DPP10: variants seen among roughly 807,000 people sequenced by gnomAD.
DPP10 encodes the protein inactive dipeptidyl peptidase 10.
Under a neutral mutation model 120.9 loss-of-function variants are expected in DPP10, and 33 were observed. That is an observed-to-expected ratio of 0.27 (90% CI 0.21 to 0.37). The LOEUF is 0.37. Among genes scored for constraint, DPP10 ranks in the 10% least tolerant of loss-of-function variants. DPP10 has a pLI of 1.00. For synonymous variants in DPP10, 337 were observed against 326.1 expected, an observed-to-expected ratio of 1.03 and a Z score of -0.36; for missense variants, 816 against 942.8, an observed-to-expected ratio of 0.87 and a Z score of 1.76.
chr2:115,780,392 T>C (rs547997418), intron 15 of DPP10, among the ~76,000 whole-genome samples: 8 of 152,024 alleles, frequency 5.3e-5, no homozygotes, highest in African/African-American at 1.9e-4. Context: ...TTGGCACTGA[T>C]ACCAAATTCT....
chr2:114,965,415 CCT>C (rs1409288472), intron 1 of DPP10, among the ~76,000 whole-genome samples: 1 of 151,970 alleles, frequency 6.6e-6, no homozygotes, highest in Non-Finnish European at 1.5e-5. Flanking sequence ...GGATTACAAG[CCT>C]GATCCACCGT....
intron 21 of DPP10, among the ~76,000 whole-genome samples, chr2:115,821,776 A>G (rs1336379520): frequency 1.3e-5 from 2 of 151,946 alleles, no homozygotes; most frequent in African/African-American, 4.8e-5. Context: ...TTGTTTATCC[A>G]TTCACCTACG....
At chr2:114,704,682 T>A (rs946396507) in intron 1 of DPP10, among the ~76,000 whole-genome samples, 3 of 152,160 alleles carry the variant, frequency 2.0e-5, no homozygotes, top group African/African-American at 7.2e-5. Context: ...TACAGGTGCA[T>A]ATGATAGATT....
intron 1 of DPP10, among the ~76,000 whole-genome samples, chr2:114,884,818 G>A (rs13385016): frequency 0.01 from 1,531 of 152,198 alleles, 22 homozygotes; most frequent in African/African-American, 0.035. Context: ...ACAATGATTG[G>A]TTTTCCATTC....
chr2:115,090,872 T>C (rs1303402311), intron 1 of DPP10, among the ~76,000 whole-genome samples: 1 of 152,122 alleles, frequency 6.6e-6, no homozygotes, highest in African/African-American at 2.4e-5. Context: ...GGCTGGCATG[T>C]CTCTGGTCAG....
At chr2:114,453,795 T>G (rs1678416609) in intron 1 of DPP10, among the ~76,000 whole-genome samples, 1 of 152,226 alleles carries the variant, frequency 6.6e-6, no homozygotes, top group Non-Finnish European at 1.5e-5. Context: ...ACTAAATGGC[T>G]TCATTTTATA....
At chr2:114,452,826 T>A (rs925202850) in intron 1 of DPP10, among the ~76,000 whole-genome samples, 67 of 152,184 alleles carry the variant, frequency 4.4e-4, no homozygotes, top group African/African-American at 1.5e-3. Context: ...TTCTGCTTTG[T>A]TTTTCTCAAA....
rs182687496 is a variant in DPP10, at chr2:114,939,278, G to A, written c.61-369961G>A. On this transcript the variant is annotated intron_variant, in intron 1 of 25. Coordinates refer to ENST00000410059, the MANE Select transcript of DPP10 (RefSeq NM_020868.6). Reference sequence around the variant, plus strand: ...AGGAAGAGCAGGTGTTGAAAGGGGGGGGTGGTTAGGCATCCTCTTGTTCAT... The same window carrying A: ...AGGAAGAGCAGGTGTTGAAAGGGGGAGGTGGTTAGGCATCCTCTTGTTCAT... 2.6e-5 allele frequency among the ~76,000 whole-genome samples: 4 copies of A among 152,040 alleles called. No individual in the cohort carries two copies. The East Asian group carries it at 7.7e-4, about 29-fold the overall frequency.
intron 1 of DPP10, among the ~76,000 whole-genome samples, chr2:114,711,198 G>A (rs1701006921): frequency 6.6e-6 from 1 of 152,284 alleles, no homozygotes; most frequent in East Asian, 1.9e-4. Flanking sequence ...GACATGCTGG[G>A]CATAGACAAT....
chr2:115,538,560 A>G (rs1438347753), intron 5 of DPP10, among the ~76,000 whole-genome samples: 3 of 152,028 alleles, frequency 2.0e-5, no homozygotes, highest in Non-Finnish European at 4.4e-5. Context: ...ACTGGAGTTC[A>G]AATGATTAAA....
intron 1 of DPP10, among the ~76,000 whole-genome samples, chr2:114,958,140 A>G (rs1389165083): frequency 6.6e-6 from 1 of 152,170 alleles, no homozygotes; most frequent in Non-Finnish European, 1.5e-5. Flanking sequence ...AAAAAGAGAC[A>G]TGACCTACAG....
At chr2:115,216,843 A>G (rs897999378) in intron 1 of DPP10, among the ~76,000 whole-genome samples, 3 of 152,190 alleles carry the variant, frequency 2.0e-5, no homozygotes, top group East Asian at 3.9e-4. Context: ...ACCCATATAT[A>G]GACAAATATA....
intron 3 of DPP10, among the ~76,000 whole-genome samples, chr2:115,413,387 G>A (rs1210732665): frequency 1.3e-5 from 2 of 152,096 alleles, no homozygotes; most frequent in Non-Finnish European, 2.9e-5. Context: ...GAAATTAAGG[G>A]AAGTGAAAAT....
intron 3 of DPP10, among the ~76,000 whole-genome samples, chr2:115,478,260 A>G (rs774960500): frequency 1.3e-5 from 2 of 152,190 alleles, no homozygotes; most frequent in Non-Finnish European, 2.9e-5. Flanking sequence ...ATTCTCAAAT[A>G]TGTGGTTAAC....
rs910293086 is a variant in DPP10 at position 115,003,188 on chromosome 2, A to AC, written c.61-306051_61-306050insC. Among the ~76,000 whole-genome samples the AC allele has an allele frequency of 2.3e-4, 35 of 151,464 alleles. 1 individual carries two copies. The highest frequency in any genetic ancestry group is 2.2e-3 in the Admixed American group (33 of 15,168). Reference sequence around the variant, plus strand: ...TACTATGTAGCTATAAAAAAAAAAAAAAAACAATGAAATCATGTCCTTTGC... The same window carrying AC: ...TACTATGTAGCTATAAAAAAAAAAAACAAAACAATGAAATCATGTCCTTTGC... On this transcript the variant is annotated intron_variant, in intron 1 of 25. Coordinates refer to ENST00000410059, the MANE Select transcript of DPP10 (RefSeq NM_020868.6).
chr2:115,162,402 G>A (rs1183337073), intron 1 of DPP10: 4 of 1,279,138 alleles, frequency 3.1e-6, no homozygotes, highest in Non-Finnish European at 4.1e-6. Flanking sequence ...CTGCGCTCCT[G>A]ACGGCCGCTC....
chr2:114,890,066 C>T (rs932609367), intron 1 of DPP10, among the ~76,000 whole-genome samples: 4 of 152,256 alleles, frequency 2.6e-5, no homozygotes, highest in East Asian at 1.9e-4. Flanking sequence ...TGTCTCCTTT[C>T]GTCACAGATT....
intron 1 of DPP10, among the ~76,000 whole-genome samples, chr2:114,764,009 T>C (rs1251140722): frequency 6.6e-6 from 1 of 152,146 alleles, no homozygotes; most frequent in African/African-American, 2.4e-5. Flanking sequence ...AATTTTTAAA[T>C]TTGGGACACT....
At chr2:114,512,199 A>T (rs1684202891) in intron 1 of DPP10, among the ~76,000 whole-genome samples, 1 of 152,202 alleles carries the variant, frequency 6.6e-6, no homozygotes, top group Non-Finnish European at 1.5e-5. Context: ...CTTCTTCTGA[A>T]TTAGTGAACC....
Sources: allele counts gnomAD v4.1 joint callset (sites outside exome capture counted in the v4.1 genomes callset), GRCh38; gene constraint gnomAD v4.1.1; transcripts MANE v1.5; gene names NCBI Gene and HGNC (gene_info 2026-07-23, HGNC 2026-07-21).